FRAS1: variants seen among roughly 807,000 people sequenced by gnomAD.
FRAS1 encodes Fraser extracellular matrix complex subunit 1, also known as extracellular matrix organizing protein FRAS1.
Under a neutral mutation model 435.2 loss-of-function variants are expected in FRAS1, and 290 were observed. The observed-to-expected ratio is 0.67, with a 90% CI of 0.61 to 0.73. The LOEUF is 0.73. FRAS1 is among the 30% of genes least tolerant of loss of function. The pLI, the probability that FRAS1 is intolerant of heterozygous loss-of-function variation, is 0.00. For synonymous variants in FRAS1, 1,800 were observed against 1,851.0 expected (o/e 0.97, Z 0.71); for missense variants, 4,860 against 5,001.5 (o/e 0.97, Z 0.85).
At chr4:78,246,569 C>T (rs1560601127) in intron 4 of FRAS1, among the ~76,000 whole-genome samples, 2 of 152,314 alleles carry the variant, frequency 1.3e-5, no homozygotes, top group East Asian at 3.9e-4. Context: ...TTAAATGTCA[C>T]AGAAGAAAAT....
intron 15 of FRAS1, among the ~76,000 whole-genome samples, chr4:78,312,879 GAGAA>G (rs61444789): frequency 0.019 from 2,428 of 129,148 alleles, 45 homozygotes; most frequent in Admixed American, 0.055. Flanking sequence ...GAGAGAGAGA[GAGAA>G]AGAAAGAAAG....
intron 61 of FRAS1, 113 bp from the exon 62 acceptor site, chr4:78,507,308 C>T: frequency 1.0e-6 from 1 of 968,184 alleles, no homozygotes; most frequent in East Asian, 2.8e-5. Flanking sequence ...TAGAACACCA[C>T]TAAAAAGAAA....
chr4:78,430,197 G>A, intron 36 of FRAS1, 95 bp from the exon 37 acceptor site: 2 of 1,457,838 alleles, frequency 1.4e-6, no homozygotes, highest in East Asian at 4.6e-5. Context: ...ATTACCCACA[G>A]CATGACTCCT....
At chr4:78,235,530 G>A in intron 2 of FRAS1, among the ~76,000 whole-genome samples, 1 of 152,208 alleles carries the variant, frequency 6.6e-6, no homozygotes, top group African/African-American at 2.4e-5. Context: ...CCTTCATTAA[G>A]CAACTTAGGA....
At chr4:78,455,279 G>GTCAAAAT (rs35789397) in intron 47 of FRAS1, among the ~76,000 whole-genome samples, 2 of 10,206 alleles carry the variant, frequency 2.0e-4, no homozygotes, top group African/African-American at 2.4e-3. Context: ...GTTTTTACAT[G>GTCAAAAT]CCTCCCTTTG....
At chr4:78,065,273 T>C (rs898260193) in intron 1 of FRAS1, among the ~76,000 whole-genome samples, 1 of 147,494 alleles carries the variant, frequency 6.8e-6, no homozygotes, top group Non-Finnish European at 1.5e-5. Context: ...ATACTATATA[T>C]GTAATAGTAT....
chr4:78,237,905 T>A (rs10857007), intron 3 of FRAS1, among the ~76,000 whole-genome samples: 1 of 152,136 alleles, frequency 6.6e-6, no homozygotes, highest in East Asian at 1.9e-4. Context: ...ATTATGTGGG[T>A]TAGGTATCTT....
At chr4:78,132,535 A>G (rs911146053) in intron 2 of FRAS1, among the ~76,000 whole-genome samples, 2 of 152,176 alleles carry the variant, frequency 1.3e-5, no homozygotes, top group Admixed American at 1.3e-4. Context: ...TTTTTTGACT[A>G]AGTCAAGGAG....
intron 31 of FRAS1, among the ~76,000 whole-genome samples, chr4:78,411,108 A>ATTTTTTTTTTTTTTTTTTTTTTTTTTTT (rs369399937): frequency 7.0e-6 from 1 of 142,858 alleles, no homozygotes. Context: ...AGTTGCATGG[A>ATTTTTTTTTTTTTTTTTTTTTTTTTTTT]TTTTTTTTCT....
intron 2 of FRAS1, among the ~76,000 whole-genome samples, chr4:78,189,205 A>G (rs1300095580): frequency 6.6e-6 from 1 of 152,198 alleles, no homozygotes; most frequent in African/African-American, 2.4e-5. Context: ...TCTCATTTAA[A>G]TGCACAATTG....
In FRAS1 at chr4:78,507,565, A is replaced by T; in HGVS notation, c.9461A>T (p.Asp3154Val). The part of the protein sequence containing the change: ...DVTTATVTIL[D>V]QEAAGSLILP... The stretch of plus-strand genomic sequence containing the variant: ...ACTACTGCCACGGTGACAATTCTAG[A>T]CCAGGAGGCAGCAGGGAGCCTCATA... The change falls in exon 62 of 74, where the codon GAC (aspartate) becomes GTC (valine). Residue 3154 changes from aspartate (D) to valine (V), a missense_variant. Physicochemically the swap from Asp to Val is radical, Grantham distance 152 (BLOSUM62 -3). Transcript: ENST00000512123. 1 of 1,608,152 alleles carries T rather than the reference A, an allele frequency of 6.2e-7. No homozygotes were observed. The highest frequency in any genetic ancestry group is 8.5e-7 in the Non-Finnish European group (1 of 1,177,814).
At chr4:78,459,112 C>T (rs893735637) in intron 47 of FRAS1, among the ~76,000 whole-genome samples, 4 of 152,112 alleles carry the variant, frequency 2.6e-5, no homozygotes, top group Non-Finnish European at 5.9e-5. Context: ...CCCACCTAGA[C>T]CAATAAATAG....
At chr4:78,427,408 A>T (rs1279728503) in intron 35 of FRAS1, among the ~76,000 whole-genome samples, 1 of 152,204 alleles carries the variant, frequency 6.6e-6, no homozygotes, top group Non-Finnish European at 1.5e-5. Flanking sequence ...GTTTTCTGTT[A>T]TAAGCAACAA....
intron 2 of FRAS1, among the ~76,000 whole-genome samples, chr4:78,195,310 G>T (rs559797430): frequency 6.6e-6 from 1 of 152,354 alleles, no homozygotes; most frequent in South Asian, 2.1e-4. Flanking sequence ...GTCAGCCAGG[G>T]ACATTTAAGT....
chr4:78,497,930 A>G (rs768942019), intron 60 of FRAS1, among the ~76,000 whole-genome samples: 2 of 152,028 alleles, frequency 1.3e-5, no homozygotes, highest in South Asian at 4.1e-4. Flanking sequence ...AGGTACATAG[A>G]AAACCCATCA....
intron 2 of FRAS1, among the ~76,000 whole-genome samples, chr4:78,148,417 A>T (rs569987214): frequency 6.6e-6 from 1 of 152,326 alleles, no homozygotes; most frequent in African/African-American, 2.4e-5. Context: ...TCAACATAAC[A>T]TTACAACAGA....
intron 2 of FRAS1, among the ~76,000 whole-genome samples, chr4:78,178,043 C>T (rs374085779): frequency 6.6e-6 from 1 of 152,192 alleles, no homozygotes. Context: ...AGGCCATGCT[C>T]CCTCCCAAAG....
At chr4:78,529,132 C>G (rs1721634629) in intron 70 of FRAS1, among the ~76,000 whole-genome samples, 2 of 151,936 alleles carry the variant, frequency 1.3e-5, no homozygotes, top group Non-Finnish European at 2.9e-5. Flanking sequence ...AACTGGGAGT[C>G]TGGGGTAGTT....
intron 68 of FRAS1, 103 bp downstream of exon 68, chr4:78,521,733 T>A: frequency 1.4e-6 from 1 of 701,258 alleles, no homozygotes; most frequent in Non-Finnish European, 2.4e-6. Context: ...CAACAATGAT[T>A]AACATTTTGC....
Sources: gnomAD v4.1 joint callset for allele counts (sites outside exome capture counted in the v4.1 genomes callset) on GRCh38, gnomAD v4.1.1 for gene constraint, MANE v1.5 for transcripts, NCBI Gene and HGNC (gene_info 2026-07-23, HGNC 2026-07-21) for gene names.